Variants in FETUB observed in about 807,000 individuals in gnomAD.
FETUB encodes the protein fetuin B, also known as fetuin-B.
In FETUB, 28 loss-of-function variants were observed where a neutral mutation model predicts 30.9. The observed-to-expected ratio is 0.90, with a 90% CI of 0.67 to 1.24. The LOEUF (loss-of-function observed/expected upper bound fraction) is 1.24. FETUB is among the 50% of genes most tolerant of loss of function. The pLI, the probability that FETUB is intolerant of heterozygous loss-of-function variation, is 0.00. For missense variants in FETUB, 469 were observed against 455.3 expected (o/e 1.03, Z -0.27); for synonymous variants, 186 against 175.9 (o/e 1.06, Z -0.45).
Position 186,640,442 on chromosome 3 carries a change from G to C in FETUB, c.-19G>C, listed in dbSNP as rs753578203. 2.5e-6 allele frequency: 4 copies of C among 1,603,014 alleles called. No homozygotes were observed. The South Asian group carries it at 4.4e-5, about 18-fold the overall frequency. On this transcript the variant is annotated 5_prime_UTR_variant, in exon 1 of 7. Coordinates refer to ENST00000265029, the MANE Select transcript of FETUB (RefSeq NM_014375.3). Reference sequence around the variant, plus strand: ...GCAGCTCCACAAACTGACCCATCCTGGGCCTTGTTCTCCACAGAATGGGTC... The same window carrying C: ...GCAGCTCCACAAACTGACCCATCCTCGGCCTTGTTCTCCACAGAATGGGTC...
intron 5 of FETUB, 39 bp downstream of exon 5, chr3:186,646,388 C>T (rs1397788812): frequency 1.4e-6 from 2 of 1,394,782 alleles, no homozygotes; most frequent in African/African-American, 1.4e-5. Context: ...TGAGTGTTCA[C>T]AGATCATCTC....
intron 6 of FETUB, 174 bp downstream of exon 6, chr3:186,651,475 G>C (rs1369778278): frequency 6.6e-6 from 4 of 603,968 alleles, no homozygotes; most frequent in Non-Finnish European, 6.0e-6. Context: ...GTTATGCCTT[G>C]TTTCAGTCGC....
At chr3:186,639,512 G>C (rs1332551993), upstream of FETUB, among the ~76,000 whole-genome samples, 1 of 152,146 alleles carries the variant, frequency 6.6e-6, no homozygotes, top group East Asian at 1.9e-4. Context: ...ACCTCTTCTA[G>C]AGGCTTCTTT....
intron 1 of FETUB, 48 bp downstream of exon 1, chr3:186,640,733 G>A: frequency 2.0e-6 from 3 of 1,491,832 alleles, no homozygotes; most frequent in Non-Finnish European, 2.8e-6. Context: ...GGGCAAGCTG[G>A]AGAGACTGGC....
Position 186,652,821 on chromosome 3 carries a change from C to T in FETUB, c.*190C>T. 1 of 615,572 alleles carries T rather than the reference C, an allele frequency of 1.6e-6. No individual in the cohort carries two copies. The highest frequency in any genetic ancestry group is 2.3e-5 in the South Asian group (1 of 43,776). 38.1% of individuals were successfully genotyped at this position (615,572 alleles called of 1,614,324 possible). On this transcript the variant is annotated 3_prime_UTR_variant, in exon 7 of 7. Coordinates refer to ENST00000265029, the MANE Select transcript of FETUB (RefSeq NM_014375.3). ...CTGAGCCCTCGGCTTGGGCTGCACT[C>T]TACCCTGTACACTGCCTTGTACCCT...
intron 2 of FETUB, chr3:186,641,426 T>C (rs545623787): frequency 4.4e-5 from 12 of 272,830 alleles, no homozygotes; most frequent in African/African-American, 2.6e-4. Context: ...TGAACCAGTG[T>C]TTCAATTGTG....
rs375303300 is a variant in FETUB at position 186,652,381 on chromosome 3, C to G, written c.899C>G (p.Pro300Arg). The G allele has an allele frequency of 6.2e-7, 1 of 1,613,698 alleles. No homozygotes were observed. The highest frequency in any genetic ancestry group is 1.3e-5 in the African/African-American group (1 of 74,842). ...PPTDSPSKAG[P>R]RGSVQYLPDL... ...ACAGACTCCCCCTCCAAAGCTGGGC[C>G]AAGAGGATCTGTCCAATATCTTCCT... Residue 300 changes from proline (P) to arginine (R), a missense_variant, in exon 7 of 7, where the codon CCA (proline) becomes CGA (arginine). Physicochemically the swap from Pro to Arg is moderately radical, Grantham distance 103. Coordinates refer to ENST00000265029, the MANE Select transcript of FETUB (RefSeq NM_014375.3).
At chr3:186,643,099 C>T (rs1717202597) in intron 3 of FETUB, among the ~76,000 whole-genome samples, 1 of 152,212 alleles carries the variant, frequency 6.6e-6, no homozygotes, top group South Asian at 2.1e-4. Flanking sequence ...TTGTAATCTG[C>T]ATTCCTATAA....
chr3:186,640,968 G>A (rs1717001504), intron 1 of FETUB, 62 bp from the exon 2 acceptor site: 1 of 1,072,046 alleles, frequency 9.3e-7, no homozygotes, highest in Non-Finnish European at 1.4e-6. Context: ...GTTTTTTTGT[G>A]TGGTCTTTCT....
At position 186,646,275 on chromosome 3, in the gene FETUB, G is replaced by A. The variant is rs376462332; in HGVS notation, c.622G>A (p.Glu208Lys). 1.9e-6 allele frequency: 3 copies of A among 1,613,686 alleles called. No individual in the cohort carries two copies. The African/African-American group carries it at 4.0e-5, about 22-fold the overall frequency. The change falls in exon 5 of 7, where the codon GAA becomes AAA. Residue 208 changes from glutamate to lysine, a missense_variant. Glu to Lys is a moderately conservative substitution (Grantham distance 56). Coordinates refer to ENST00000265029, the MANE Select transcript of FETUB (RefSeq NM_014375.3). ...QWVVGPSYFV[E>K]YLIKESPCTK... ...GGTGGTCGGCCCTTCTTACTTTGTG[G>A]AATACTTAATTAAAGAATCACCATG...
chr3:186,640,893 G>C (rs1323374669), intron 1 of FETUB, 137 bp from the exon 2 acceptor site: 1 of 677,496 alleles, frequency 1.5e-6, no homozygotes, highest in East Asian at 2.7e-5. Context: ...TCTGACACTT[G>C]TGTCAGATTT....
chr3:186,648,372 C>G (rs1015143434), intron 5 of FETUB, among the ~76,000 whole-genome samples: 2 of 152,208 alleles, frequency 1.3e-5, no homozygotes, highest in African/African-American at 4.8e-5. Flanking sequence ...ACTGGTATAA[C>G]ACTGTCTTGA....
chr3:186,645,808 C>A (rs551092310), intron 4 of FETUB, among the ~76,000 whole-genome samples: 1 of 147,128 alleles, frequency 6.8e-6, no homozygotes, highest in Admixed American at 6.9e-5. Flanking sequence ...CTCACTGCAA[C>A]CTCCAACTCC....
intron 3 of FETUB, 116 bp from the exon 4 acceptor site, chr3:186,644,635 C>T (rs1717339115): frequency 2.8e-6 from 2 of 720,008 alleles, no homozygotes; most frequent in Non-Finnish European, 4.5e-6. Flanking sequence ...CAGCTAACTT[C>T]TATTCCAGGG....
rs1716949064 is a variant in FETUB at position 186,640,535 on chromosome 3, C to T, written c.75C>T (p.Ala25=). Residue 25 remains alanine, a synonymous_variant, in exon 1 of 7, where the codon GCC becomes GCT. Transcript: ENST00000265029. Reference sequence around the variant, plus strand: ...GAGCAATGTCTCCACCCCAGCTGGCCCTCAACCCCTCGGCTCTGCTCTCCC... The same window carrying T: ...GAGCAATGTCTCCACCCCAGCTGGCTCTCAACCCCTCGGCTCTGCTCTCCC... ...CCGAMSPPQL[A]LNPSALLSRG... is the part of the protein sequence containing the mutation. 1 of 1,614,212 alleles carries T rather than the reference C, an allele frequency of 6.2e-7. No individual in the cohort carries two copies. The highest frequency in any genetic ancestry group is 1.1e-5 in the South Asian group (1 of 91,086).
Position 186,642,466 on chromosome 3 carries a change from T to A in FETUB, c.337-5T>A, listed in dbSNP as rs114780909. The A allele has an allele frequency of 7.9e-3, 12,318 of 1,561,260 alleles. 63 individuals carry two copies. The highest frequency in any genetic ancestry group is 9.2e-3 in the Non-Finnish European group (10,418 of 1,138,512). Reference sequence around the variant, plus strand: ...TATGTCATAAAATGCATTTGTTGGTTTCAGGTTTATGGTCAATGCAAAGCA... The same window carrying A: ...TATGTCATAAAATGCATTTGTTGGTATCAGGTTTATGGTCAATGCAAAGCA... On this transcript the variant is annotated splice_region_variant and splice_polypyrimidine_tract_variant and intron_variant, in intron 2 of 6. Transcript: ENST00000265029.
In FETUB at chr3:186,640,602, G is replaced by A; in HGVS notation, c.142G>A (p.Ala48Thr). The change falls in exon 1 of 7, where the codon GCC becomes ACC. Residue 48 changes from alanine (A) to threonine (T), a missense_variant. Transcript: ENST00000265029. Reference protein sequence around the residue: ...DSDVLAVAGFALRDINKDRKD... With the variant: ...DSDVLAVAGFTLRDINKDRKD... Reference sequence around the variant, plus strand: ...AGATGTGCTGGCAGTTGCAGGCTTTGCCCTGCGGGATATTAACAAAGACAG... The same window carrying A: ...AGATGTGCTGGCAGTTGCAGGCTTTACCCTGCGGGATATTAACAAAGACAG... The A allele has an allele frequency of 6.2e-7, 1 of 1,614,154 alleles. No homozygotes were observed. Among genetic ancestry groups the A allele is most frequent in the Non-Finnish European group, 8.5e-7 (1 of 1,179,986 alleles).
chr3:186,647,783 G>A (rs552129718), intron 5 of FETUB, among the ~76,000 whole-genome samples: 2 of 151,914 alleles, frequency 1.3e-5, no homozygotes, highest in East Asian at 3.9e-4. Flanking sequence ...GTCATTCTCT[G>A]GGTTGTCTAT....
intron 5 of FETUB, among the ~76,000 whole-genome samples, chr3:186,647,788 G>A (rs1717671978): frequency 6.6e-6 from 1 of 151,984 alleles, no homozygotes; most frequent in African/African-American, 2.4e-5. Flanking sequence ...TCTCTGGGTT[G>A]TCTATTCACT....
Sources: gnomAD v4.1 joint callset for allele counts (sites outside exome capture counted in the v4.1 genomes callset) on GRCh38, gnomAD v4.1.1 for gene constraint, MANE v1.5 for transcripts, NCBI Gene and HGNC (gene_info 2026-07-23, HGNC 2026-07-21) for gene names.